Variants in DNAH11 observed in about 807,000 individuals in gnomAD.
DNAH11 encodes axonemal beta dynein heavy chain 11.
In DNAH11, 442 loss-of-function variants were observed where a neutral mutation model predicts 526.0. The ratio of observed to expected loss-of-function variants is 0.84; its 90% confidence interval spans 0.78 to 0.91. The LOEUF (loss-of-function observed/expected upper bound fraction) is 0.91. Ranked by LOEUF, DNAH11 falls within the 40% of genes least tolerant of loss-of-function variation. DNAH11 has a pLI of 0.00. For synonymous variants in DNAH11, 2,461 were observed against 1,935.9 expected (o/e 1.27, Z -7.12); for missense variants, 6,989 against 5,448.7 (o/e 1.28, Z -8.90).
At chr7:21,693,186 A>G (rs1438429736) in intron 35 of DNAH11, among the ~76,000 whole-genome samples, 1 of 152,124 alleles carries the variant, frequency 6.6e-6, no homozygotes, top group African/African-American at 2.4e-5. Flanking sequence ...ATTTTTAACT[A>G]TGTTTTCTTT....
intron 42 of DNAH11, among the ~76,000 whole-genome samples, chr7:21,715,857 C>CCA (rs1784643117): frequency 1.8e-5 from 2 of 110,774 alleles, no homozygotes; most frequent in African/African-American, 1.0e-4. Flanking sequence ...TATCTGATTT[C>CCA]CCCCTCCCAC....
intron 5 of DNAH11, among the ~76,000 whole-genome samples, chr7:21,563,204 T>A (rs188504696): frequency 2.1e-4 from 32 of 152,218 alleles, no homozygotes; most frequent in African/African-American, 6.7e-4. Context: ...TTGTTTGATT[T>A]TTTTCTTCCT....
At chr7:21,604,977 CTGTCA>C (rs1215443526) in intron 18 of DNAH11, among the ~76,000 whole-genome samples, 1 of 152,204 alleles carries the variant, frequency 6.6e-6, no homozygotes, top group Non-Finnish European at 1.5e-5. Context: ...TTTGGTATTC[CTGTCA>C]TGTCACCAAA....
intron 14 of DNAH11, among the ~76,000 whole-genome samples, chr7:21,595,523 G>A (rs145561087): frequency 2.6e-5 from 4 of 152,290 alleles, no homozygotes; most frequent in African/African-American, 7.2e-5. Context: ...AGAAAGACAC[G>A]TTAAAGATTA....
At chr7:21,715,586 A>G (rs1164545755) in intron 42 of DNAH11, among the ~76,000 whole-genome samples, 5 of 152,158 alleles carry the variant, frequency 3.3e-5, no homozygotes, top group African/African-American at 9.7e-5. Context: ...TTCCACATCT[A>G]TCACATCTTT....
At chr7:21,867,041 G>T (rs992144909) in intron 71 of DNAH11, among the ~76,000 whole-genome samples, 2 of 152,158 alleles carry the variant, frequency 1.3e-5, no homozygotes, top group African/African-American at 4.8e-5. Context: ...TGAAGATTTT[G>T]CATGTCAAAC....
At chr7:21,900,802 C>A in intron 81 of DNAH11, 1 of 647,974 alleles carries the variant, frequency 1.5e-6, no homozygotes, top group Non-Finnish European at 2.4e-6. Flanking sequence ...AACCACTACG[C>A]ATGGAAGCAA....
rs760372952 is a variant in DNAH11, at chr7:21,744,553, A to T, written c.8270A>T (p.Asp2757Val). Reference protein sequence around the residue: ...GDKLIDKKDCDLFQRRMLETA... With the variant: ...GDKLIDKKDCVLFQRRMLETA... ...AAACTGATAGACAAAAAAGATTGTG[A>T]TTTGTTTCAGAGAAGAATGCTGGAA... The change falls in exon 50 of 82, where the codon GAT becomes GTT. Residue 2757 changes from aspartate (D) to valine (V), a missense_variant. Coordinates refer to ENST00000409508, the MANE Select transcript of DNAH11 (RefSeq NM_001277115.2). The T allele has an allele frequency of 2.0e-5, 32 of 1,613,552 alleles. No homozygotes were observed. The highest frequency in any genetic ancestry group is 2.5e-5 in the Non-Finnish European group (29 of 1,179,770).
At chr7:21,603,305 C>T (rs1480758512) in intron 18 of DNAH11, among the ~76,000 whole-genome samples, 5 of 152,154 alleles carry the variant, frequency 3.3e-5, no homozygotes, top group Admixed American at 1.3e-4. Context: ...CTTATCCACT[C>T]GTCTGTCAAT....
intron 63 of DNAH11, among the ~76,000 whole-genome samples, chr7:21,808,837 G>A (rs897775141): frequency 2.0e-5 from 3 of 152,168 alleles, no homozygotes; most frequent in Non-Finnish European, 4.4e-5. Context: ...TAGTGATGCA[G>A]TAAACATAGG....
chr7:21,824,590 A>G (rs1030514842), intron 65 of DNAH11, among the ~76,000 whole-genome samples: 2 of 152,198 alleles, frequency 1.3e-5, no homozygotes, highest in African/African-American at 4.8e-5. Flanking sequence ...CAAATAGTCA[A>G]TAAGCACATG....
rs185851833 is a variant in DNAH11, at chr7:21,792,607, A to T, written c.10026+3265A>T. Among the ~76,000 whole-genome samples the T allele has an allele frequency of 2.5e-3, 376 of 152,134 alleles. 4 individuals are homozygous for T. The highest frequency in any genetic ancestry group is 2.5e-3 in the Non-Finnish European group (173 of 67,988). ...GTTTGTTCGGGTTTTCTATTTCTTC[A>T]TGGTTCAATCTTGGTAGAGTGTATA... is the stretch of plus-strand genomic sequence containing the variant. On this transcript the variant is annotated intron_variant, in intron 61 of 81. Transcript: ENST00000409508.
chr7:21,765,834 G>A (rs1302416542), intron 55 of DNAH11, among the ~76,000 whole-genome samples: 1 of 152,158 alleles, frequency 6.6e-6, no homozygotes, highest in African/African-American at 2.4e-5. Flanking sequence ...GTGAACACGG[G>A]CACGCACACA....
At chr7:21,627,393 A>G (rs115760138) in intron 25 of DNAH11, among the ~76,000 whole-genome samples, 3,597 of 152,186 alleles carry the variant, frequency 0.024, 109 homozygotes, top group East Asian at 0.075. Flanking sequence ...GTTTTCTTCT[A>G]GTAGTTTTAT....
At position 21,742,081 on chromosome 7, in the gene DNAH11, A is replaced by G. The variant is rs533636749; in HGVS notation, c.8069A>G (p.His2690Arg). The G allele has an allele frequency of 1.2e-6, 2 of 1,613,968 alleles. No individual in the cohort carries two copies. The highest frequency in any genetic ancestry group is 1.3e-5 in the African/African-American group (1 of 75,040). ...PTLIQATIAF[H>R]QTMMCNFLPT... ...TTGATCCAGGCAACAATAGCATTCC[A>G]TCAGACAATGATGTGTAACTTTTTA... Residue 2690 changes from histidine (H) to arginine (R), a missense_variant, in exon 49 of 82, where the codon CAT (histidine) becomes CGT (arginine). His to Arg is a conservative substitution (Grantham distance 29). Coordinates refer to ENST00000409508, the MANE Select transcript of DNAH11 (RefSeq NM_001277115.2).
intron 62 of DNAH11, among the ~76,000 whole-genome samples, chr7:21,804,048 G>A (rs1197899072): frequency 1.3e-5 from 2 of 152,258 alleles, no homozygotes; most frequent in East Asian, 1.9e-4. Flanking sequence ...GTTTCGGGAT[G>A]GCTAGGTGAT....
chr7:21,784,286 T>C (rs1175845905), intron 57 of DNAH11, 141 bp from the exon 58 acceptor site: 4 of 651,766 alleles, frequency 6.1e-6, no homozygotes, highest in African/African-American at 1.8e-5. Context: ...GGAAAATTAG[T>C]CTGTTTAACA....
chr7:21,825,029 G>C (rs186391144), intron 65 of DNAH11, among the ~76,000 whole-genome samples: 5 of 152,150 alleles, frequency 3.3e-5, no homozygotes, highest in Admixed American at 3.3e-4. Flanking sequence ...CTGCCACCAG[G>C]CCTGGCTAAT....
intron 61 of DNAH11, among the ~76,000 whole-genome samples, chr7:21,796,613 A>G (rs1583705018): frequency 6.6e-6 from 1 of 152,198 alleles, no homozygotes; most frequent in Non-Finnish European, 1.5e-5. Context: ...CAAGGGAGGG[A>G]AGGGAACCAT....
Sources: gnomAD v4.1 joint callset for allele counts (sites outside exome capture counted in the v4.1 genomes callset) on GRCh38, gnomAD v4.1.1 for gene constraint, MANE v1.5 for transcripts, NCBI Gene and HGNC (gene_info 2026-07-23, HGNC 2026-07-21) for gene names.